HERPUD2: variants seen among roughly 807,000 people sequenced by gnomAD.
HERPUD2 encodes the protein homocysteine-responsive endoplasmic reticulum-resident ubiquitin-like domain member 2 protein.
Under a neutral mutation model 49.9 loss-of-function variants are expected in HERPUD2, and 13 were observed. The ratio of observed to expected loss-of-function variants is 0.26; its 90% CI spans 0.17 to 0.41. The LOEUF (loss-of-function observed/expected upper bound fraction) is 0.41. HERPUD2 is among the 10% of genes least tolerant of loss of function. The probability of loss-of-function intolerance (pLI) is 1.00; values close to 1 mark genes in which losing one functional copy is unlikely to be tolerated. For synonymous variants in HERPUD2, 172 were observed against 171.4 expected, an observed-to-expected ratio of 1.00 and a Z score of -0.03; for missense variants, 449 against 492.2, an observed-to-expected ratio of 0.91 and a Z score of 0.83.
At chr7:35,643,681 A>C (rs1341016720) in intron 5 of HERPUD2, among the ~76,000 whole-genome samples, 1 of 151,752 alleles carries the variant, frequency 6.6e-6, no homozygotes, top group Non-Finnish European at 1.5e-5. Flanking sequence ...AATAAAAATA[A>C]AATAATAAAT....
chr7:35,635,760 C>T (rs1784861810), intron 6 of HERPUD2, among the ~76,000 whole-genome samples: 1 of 152,152 alleles, frequency 6.6e-6, no homozygotes, highest in Non-Finnish European at 1.5e-5. Flanking sequence ...ATTACCTTAA[C>T]AGCTAATGAG....
intron 5 of HERPUD2, among the ~76,000 whole-genome samples, chr7:35,640,936 T>C (rs1308067924): frequency 6.6e-6 from 1 of 151,910 alleles, no homozygotes; most frequent in Non-Finnish European, 1.5e-5. Context: ...GTATTAAGAG[T>C]GAAACCACAG....
At chr7:35,654,089 T>G (rs1286083626) in intron 5 of HERPUD2, among the ~76,000 whole-genome samples, 2 of 152,140 alleles carry the variant, frequency 1.3e-5, no homozygotes, top group African/African-American at 4.8e-5. Flanking sequence ...GAGAGATGTT[T>G]ATAGCAATAA....
intron 6 of HERPUD2, among the ~76,000 whole-genome samples, chr7:35,638,068 A>G (rs1339300735): frequency 6.6e-6 from 1 of 152,166 alleles, no homozygotes; most frequent in Non-Finnish European, 1.5e-5. Context: ...CTCTTCATGT[A>G]TATTTGCTGC....
intron 5 of HERPUD2, among the ~76,000 whole-genome samples, chr7:35,656,146 G>C (rs866276901): frequency 6.6e-6 from 1 of 151,950 alleles, no homozygotes; most frequent in African/African-American, 2.4e-5. Context: ...TGGGCAACAA[G>C]AGTGAAACTT....
chr7:35,693,411 T>C (rs1786235856), intron 2 of HERPUD2, among the ~76,000 whole-genome samples: 1 of 152,196 alleles, frequency 6.6e-6, no homozygotes, highest in Non-Finnish European at 1.5e-5. Flanking sequence ...CTTGAAAGTA[T>C]AATTTTTATA....
chr7:35,665,387 A>AGG (rs746425070), intron 5 of HERPUD2, among the ~76,000 whole-genome samples: 58 of 152,216 alleles, frequency 3.8e-4, no homozygotes, highest in Non-Finnish European at 6.2e-4. Context: ...AGCAATGAGC[A>AGG]GGGCTCCTTG....
At position 35,670,276 on chromosome 7, in the gene HERPUD2, C is replaced by G; in HGVS notation, c.278G>C (p.Ser93Thr). The stretch of plus-strand genomic sequence containing the variant: ...TCTATTGGTGCTGGATTTTGGAGAA[C>G]TGGGAGGAGTCCGAGAAGTACATAC... ...HLVCTSRTPP[S>T]SPKSSTNRES... Residue 93 changes from serine (S) to threonine (T), a missense_variant, in exon 4 of 9, where the codon AGT (serine) becomes ACT (threonine). Physicochemically the swap from Ser to Thr is moderately conservative, Grantham distance 58 (BLOSUM62 1). Coordinates refer to ENST00000311350, the MANE Select transcript of HERPUD2 (RefSeq NM_022373.5). 6.3e-7 allele frequency: 1 copy of G among 1,589,574 alleles called. No homozygotes were observed. The highest frequency in any genetic ancestry group is 1.1e-5 in the South Asian group (1 of 88,020).
intron 2 of HERPUD2, among the ~76,000 whole-genome samples, chr7:35,681,548 T>C (rs1785891781): frequency 2.0e-5 from 3 of 152,108 alleles, no homozygotes; most frequent in Admixed American, 1.3e-4. Context: ...TTATTCTTAA[T>C]AGTCAAAAAA....
intron 5 of HERPUD2, among the ~76,000 whole-genome samples, chr7:35,657,765 A>C (rs1197078923): frequency 6.6e-6 from 1 of 151,618 alleles, no homozygotes; most frequent in African/African-American, 2.4e-5. Flanking sequence ...AAAAAAAAAA[A>C]AAAATTAGCC....
chr7:35,651,812 TA>T (rs70974757), intron 5 of HERPUD2, among the ~76,000 whole-genome samples: 45,607 of 150,576 alleles, frequency 0.3, 7,824 homozygotes, highest in Non-Finnish European at 0.39. Context: ...ATAAACAATA[TA>T]AAAAAAAATC....
intron 5 of HERPUD2, 105 bp from the exon 6 acceptor site, chr7:35,638,577 A>C: frequency 9.1e-7 from 1 of 1,104,176 alleles, no homozygotes; most frequent in Non-Finnish European, 1.3e-6. Flanking sequence ...GAATATATTT[A>C]AATCTCACTG....
At chr7:35,686,576 G>A (rs1200012141) in intron 2 of HERPUD2, among the ~76,000 whole-genome samples, 2 of 141,764 alleles carry the variant, frequency 1.4e-5, no homozygotes, top group Non-Finnish European at 3.1e-5. Flanking sequence ...AAAATTAGCC[G>A]GGCGTAGTGG....
In HERPUD2 at chr7:35,694,846, G is replaced by A. The variant is rs1419108190; in HGVS notation, c.-343C>T. ...CCGCCACCGCCGCCCTCCGCGCCCA[G>A]GCAGGGCCGCCAGCCACACCGTCCG... On this transcript the variant is annotated 5_prime_UTR_variant, in exon 1 of 9. Coordinates refer to ENST00000311350, the MANE Select transcript of HERPUD2 (RefSeq NM_022373.5). The A allele has an allele frequency of 6.5e-6, 1 of 152,990 alleles. No individual in the cohort carries two copies. The highest frequency in any genetic ancestry group is 2.4e-5 in the African/African-American group (1 of 41,482). 9.5% of individuals were successfully genotyped at this position (152,990 alleles called of 1,614,324 possible).
chr7:35,644,781 G>A (rs976367647), intron 5 of HERPUD2, among the ~76,000 whole-genome samples: 3 of 151,942 alleles, frequency 2.0e-5, no homozygotes, highest in African/African-American at 4.8e-5. Flanking sequence ...AAAAAAGAAA[G>A]GAAACATCAA....
At chr7:35,691,619 G>A (rs538187898) in intron 2 of HERPUD2, among the ~76,000 whole-genome samples, 2 of 152,164 alleles carry the variant, frequency 1.3e-5, no homozygotes, top group South Asian at 2.1e-4. Context: ...TATGTGCAAG[G>A]AAGATGCACA....
intron 2 of HERPUD2, among the ~76,000 whole-genome samples, chr7:35,675,925 C>A (rs1055071786): frequency 2.0e-5 from 3 of 152,066 alleles, no homozygotes; most frequent in Non-Finnish European, 4.4e-5. Context: ...CAGATATATG[C>A]CACTGTACCC....
chr7:35,692,283 C>CA (rs532400407), intron 2 of HERPUD2, among the ~76,000 whole-genome samples: 181 of 150,390 alleles, frequency 1.2e-3, no homozygotes, highest in African/African-American at 4.4e-3. Context: ...ATAAGGCAGA[C>CA]AGGCTTCCCA....
rs1562666889 is a variant in HERPUD2, at chr7:35,637,198, GATAGA to G, written c.617+1147_617+1151del. Among the ~76,000 whole-genome samples the G allele has an allele frequency of 2.7e-3, 400 of 148,576 alleles. 1 individual carries two copies. The highest frequency in any genetic ancestry group is 9.7e-3 in the African/African-American group (376 of 38,850). On this transcript the variant is annotated intron_variant, in intron 6 of 8. Coordinates refer to ENST00000311350, the MANE Select transcript of HERPUD2 (RefSeq NM_022373.5). ...AGATAGATAGATAGATAGATAGATA[GATAGA>G]TAAAAGAAATGTAACCCAGCAGCAG... is the stretch of plus-strand genomic sequence containing the variant.
Sources: gnomAD v4.1 joint callset for allele counts (sites outside exome capture counted in the v4.1 genomes callset) on GRCh38, gnomAD v4.1.1 for gene constraint, MANE v1.5 for transcripts, NCBI Gene and HGNC (gene_info 2026-07-23, HGNC 2026-07-21) for gene names.